BICD1: variants seen among roughly 807,000 people sequenced by gnomAD.
BICD1 encodes protein bicaudal D homolog 1.
In BICD1, 35 loss-of-function variants were observed where a neutral mutation model predicts 92.5. That is an observed-to-expected ratio of 0.38 (90% confidence interval 0.29 to 0.50). The LOEUF (loss-of-function observed/expected upper bound fraction) is 0.50. Ranked by LOEUF, BICD1 falls within the 20% of genes least tolerant of loss-of-function variation. The probability of loss-of-function intolerance (pLI) is 0.93; values close to 1 mark genes in which losing one functional copy is unlikely to be tolerated. For missense variants in BICD1, 950 were observed against 1,189.8 expected, an observed-to-expected ratio of 0.80 and a Z score of 2.97; for synonymous variants, 429 against 465.1, an observed-to-expected ratio of 0.92 and a Z score of 1.00.
intron 1 of BICD1, among the ~76,000 whole-genome samples, chr12:32,167,543 C>T (rs1943802994): frequency 6.6e-6 from 1 of 152,048 alleles, no homozygotes; most frequent in African/African-American, 2.4e-5. Flanking sequence ...GCAACCTCTG[C>T]CTCCTGGGTT....
chr12:32,176,040 A>G (rs1321665735), intron 1 of BICD1, among the ~76,000 whole-genome samples: 1 of 152,196 alleles, frequency 6.6e-6, no homozygotes. Context: ...AGGTTCATCT[A>G]TGTTGTCGCC....
rs117768345 is a variant in BICD1, at chr12:32,148,091, G to A, written c.213+40547G>A. Among the ~76,000 whole-genome samples the A allele has an allele frequency of 2.5e-4, 33 of 129,496 alleles. No individual in the cohort carries two copies. In the East Asian group the frequency reaches 2.7e-3, roughly 11 times the overall value. 85.0% of individuals were successfully genotyped at this position (129,496 alleles called of 152,430 possible). A position where few individuals can be genotyped will look rare whatever the true frequency, so the allele number is the denominator to read the frequency against. ...TGGGAGGTTGAGGCTACAGTGAGCC[G>A]TGATGACACCATCACACTCTAGCCT... is the stretch of plus-strand genomic sequence containing the variant. On this transcript the variant is annotated intron_variant, in intron 1 of 9. Transcript: ENST00000652176.
chr12:32,298,498 G>C (rs1592633009), intron 3 of BICD1, among the ~76,000 whole-genome samples: 1 of 144,046 alleles, frequency 6.9e-6, no homozygotes, highest in East Asian at 2.1e-4. Context: ...CCAGGAGGCG[G>C]AGGTTGCAGT....
At chr12:32,185,377 A>G (rs1944399599) in intron 1 of BICD1, among the ~76,000 whole-genome samples, 2 of 152,234 alleles carry the variant, frequency 1.3e-5, no homozygotes, top group Admixed American at 1.3e-4. Context: ...TGTGGTAACA[A>G]ACCCCAAAAT....
intron 1 of BICD1, among the ~76,000 whole-genome samples, chr12:32,151,478 C>T (rs976586564): frequency 5.3e-5 from 8 of 152,214 alleles, no homozygotes; most frequent in African/African-American, 1.9e-4. Context: ...AATTTGGAGA[C>T]ATGCACGTGC....
chr12:32,278,318 A>T (rs914526428), intron 2 of BICD1, among the ~76,000 whole-genome samples: 14 of 152,236 alleles, frequency 9.2e-5, no homozygotes, highest in Admixed American at 4.6e-4. Flanking sequence ...TTGTCATGCC[A>T]TCATTCATTA....
At chr12:32,366,277 G>A (rs1939521748) in intron 8 of BICD1, among the ~76,000 whole-genome samples, 1 of 152,190 alleles carries the variant, frequency 6.6e-6, no homozygotes, top group South Asian at 2.1e-4. Context: ...GCCTCGTTAA[G>A]GCTATAAATC....
intron 2 of BICD1, among the ~76,000 whole-genome samples, chr12:32,233,480 A>G (rs16919514): frequency 0.041 from 6,250 of 152,094 alleles, 194 homozygotes; most frequent in Middle Eastern, 0.13. Context: ...TAGCATATAT[A>G]TAAGGATTTC....
chr12:32,224,921 C>T (rs541314049), intron 2 of BICD1, among the ~76,000 whole-genome samples: 3 of 152,238 alleles, frequency 2.0e-5, no homozygotes, highest in South Asian at 2.1e-4. Context: ...AGGCTGATCT[C>T]GAACTCCTGA....
chr12:32,295,703 G>C (rs1947849573), intron 3 of BICD1, among the ~76,000 whole-genome samples: 1 of 150,838 alleles, frequency 6.6e-6, no homozygotes, highest in Non-Finnish European at 1.5e-5. Flanking sequence ...GCCCAGGCTG[G>C]AGTGCAGTGG....
rs570884563 is a variant in BICD1 at position 32,339,146 on chromosome 12, C to A, written c.2764+167C>A. 17 of 1,339,856 alleles carry A rather than the reference C, an allele frequency of 1.3e-5. No individual in the cohort carries two copies. In the East Asian group the frequency reaches 5.3e-4, roughly 42 times the overall value. The allele number at this position is 1,339,856 out of a possible 1,614,324, so 83.0% of individuals were successfully genotyped here. A position where few individuals can be genotyped will look rare whatever the true frequency, so the allele number is the denominator to read the frequency against. On this transcript the variant is annotated intron_variant, in intron 8 of 9. Coordinates refer to ENST00000652176, the MANE Select transcript of BICD1 (RefSeq NM_001714.4). ...CCTTACACTTAGCTTCCCATTTCCT[C>A]CTTCACTCATATTCCTTAGAATGAC...
In BICD1 at chr12:32,382,158, T is replaced by A. The variant is rs895784713; in HGVS notation, c.*4531T>A. ...CGAACTTAACTGCCATAGTCCCTAATGTATTGCGTTTGTAACCTGATCGTA... is the reference window on the plus strand; with the variant it reads ...CGAACTTAACTGCCATAGTCCCTAAAGTATTGCGTTTGTAACCTGATCGTA... On this transcript the variant is annotated 3_prime_UTR_variant, in exon 10 of 10. Coordinates refer to ENST00000652176, the MANE Select transcript of BICD1 (RefSeq NM_001714.4). 1 of 152,124 alleles carries A rather than the reference T, an allele frequency of 6.6e-6. No homozygotes were observed. Among genetic ancestry groups the A allele is most frequent in the Non-Finnish European group, 1.5e-5 (1 of 67,958 alleles). 9.4% of individuals were successfully genotyped at this position (152,124 alleles called of 1,614,324 possible).
chr12:32,327,424 C>G, intron 4 of BICD1, 37 bp from the exon 5 acceptor site: 1 of 1,567,370 alleles, frequency 6.4e-7, no homozygotes, highest in Non-Finnish European at 8.7e-7. Context: ...TTGGTGCTGC[C>G]TTGAGGTGAT....
intron 4 of BICD1, among the ~76,000 whole-genome samples, chr12:32,325,466 A>G (rs1482376869): frequency 6.6e-6 from 1 of 152,140 alleles, no homozygotes; most frequent in Non-Finnish European, 1.5e-5. Context: ...AATTTGGACC[A>G]TGGTTTGAGG....
chr12:32,194,755 T>C (rs891712791), intron 1 of BICD1, among the ~76,000 whole-genome samples: 2 of 151,942 alleles, frequency 1.3e-5, no homozygotes, highest in African/African-American at 4.8e-5. Flanking sequence ...TGGTGGCGCA[T>C]GCCTGTAATC....
At chr12:32,122,105 T>C (rs1032096341) in intron 1 of BICD1, among the ~76,000 whole-genome samples, 2 of 152,140 alleles carry the variant, frequency 1.3e-5, no homozygotes, top group African/African-American at 4.8e-5. Context: ...TGTGTACCAC[T>C]GTACCCAGCC....
intron 8 of BICD1, among the ~76,000 whole-genome samples, chr12:32,362,232 T>C (rs968779297): frequency 6.6e-6 from 1 of 152,200 alleles, no homozygotes; most frequent in South Asian, 2.1e-4. Context: ...TGGTGGTGCA[T>C]GCCTGTAATC....
At position 32,383,051 on chromosome 12, in the gene BICD1, T is replaced by A. The variant is rs1166170087; in HGVS notation, c.*5424T>A. ...ATAATCTACTCTGTTTTTATTTGCATGATTATGCTTATGTGATGAACCATC... is the reference window on the plus strand; with the variant it reads ...ATAATCTACTCTGTTTTTATTTGCAAGATTATGCTTATGTGATGAACCATC... On this transcript the variant is annotated 3_prime_UTR_variant, in exon 10 of 10. Transcript: ENST00000652176. The A allele has an allele frequency of 6.6e-6, 1 of 152,116 alleles. No individual in the cohort carries two copies. The highest frequency in any genetic ancestry group is 6.5e-5 in the Admixed American group (1 of 15,274). 9.4% of individuals were successfully genotyped at this position (152,116 alleles called of 1,614,324 possible). A position where few individuals can be genotyped will look rare whatever the true frequency, so the allele number is the denominator to read the frequency against.
chr12:32,204,546 G>T (rs1488441714), intron 1 of BICD1, among the ~76,000 whole-genome samples: 1 of 152,088 alleles, frequency 6.6e-6, no homozygotes, highest in African/African-American at 2.4e-5. Context: ...ACTGCTGGTG[G>T]CAGTTGAATT....
Sources: allele counts gnomAD v4.1 joint callset (sites outside exome capture counted in the v4.1 genomes callset), GRCh38; gene constraint gnomAD v4.1.1; transcripts MANE v1.5; gene names NCBI Gene and HGNC (gene_info 2026-07-23, HGNC 2026-07-21).